Variants in DDC observed in about 807,000 individuals in gnomAD.
DDC encodes dopa decarboxylase, also known as aromatic-L-amino-acid decarboxylase.
DDC carries 43 observed loss-of-function variants against 60.0 expected under a neutral mutation model. The ratio of observed to expected loss-of-function variants is 0.72; its 90% CI spans 0.56 to 0.92. The LOEUF (loss-of-function observed/expected upper bound fraction) is 0.92. Ranked by LOEUF, DDC falls within the 40% of genes least tolerant of loss-of-function variation. The probability of loss-of-function intolerance (pLI) is 0.00; values close to 1 mark genes in which losing one functional copy is unlikely to be tolerated. For missense variants in DDC, 573 were observed against 620.2 expected (o/e 0.92, Z 0.81); for synonymous variants, 232 against 234.6 (o/e 0.99, Z 0.10).
At chr7:50,556,993 C>A (rs896945222) in intron 1 of DDC, among the ~76,000 whole-genome samples, 1 of 152,142 alleles carries the variant, frequency 6.6e-6, no homozygotes, top group Admixed American at 6.5e-5. Flanking sequence ...AAAATGGGGC[C>A]GCAAGCTCAT....
chr7:50,490,837 A>G (rs1165401266), intron 9 of DDC, among the ~76,000 whole-genome samples: 1 of 152,372 alleles, frequency 6.6e-6, no homozygotes, highest in African/African-American at 2.4e-5. Flanking sequence ...CTTTATCCAA[A>G]TAATCAAGCC....
chr7:50,543,816 T>C, intron 2 of DDC, 69 bp downstream of exon 2: 1 of 1,447,242 alleles, frequency 6.9e-7, no homozygotes, highest in Non-Finnish European at 9.7e-7. Flanking sequence ...GTATGTGAAT[T>C]GCTCAGAGCC....
intron 10 of DDC, among the ~76,000 whole-genome samples, chr7:50,476,930 T>A (rs528065290): frequency 6.6e-6 from 1 of 152,354 alleles, no homozygotes; most frequent in East Asian, 1.9e-4. Context: ...ATCTGAGGTT[T>A]CATCTAGTGC....
In DDC at chr7:50,526,171, C is replaced by A. The variant is rs1430368576; in HGVS notation, c.714+1966G>T. Among the ~76,000 whole-genome samples the A allele has an allele frequency of 3.3e-5, 5 of 152,158 alleles. No individual in the cohort carries two copies. The South Asian group carries it at 8.3e-4, about 25-fold the overall frequency. On this transcript the variant is annotated intron_variant, in intron 6 of 14. Coordinates refer to ENST00000444124, the MANE Select transcript of DDC (RefSeq NM_001082971.2). ...AAACAAAGACAAAAAGCAAGCAGCA[C>A]CTCCATTGGCGGCACAGAAGGAAAT...
At chr7:50,553,484 C>CTTTTTTTTTTTTTTTTTTTTTT (rs5884158) in intron 1 of DDC, among the ~76,000 whole-genome samples, 2 of 90,928 alleles carry the variant, frequency 2.2e-5, no homozygotes, top group African/African-American at 4.0e-5. Context: ...TCTTTCTTTT[C>CTTTTTTTTTTTTTTTTTTTTTT]TTTTTTTTTT....
intron 4 of DDC, among the ~76,000 whole-genome samples, chr7:50,537,037 GTTTT>G (rs10574868): frequency 2.2e-4 from 31 of 140,316 alleles, no homozygotes; most frequent in Non-Finnish European, 2.5e-4. Context: ...CTAGGAAGTT[GTTTT>G]TTTTTTTTTT....
At chr7:50,496,572 G>A (rs1399313068) in intron 8 of DDC, among the ~76,000 whole-genome samples, 1 of 152,006 alleles carries the variant, frequency 6.6e-6, no homozygotes. Context: ...AGGACACTCT[G>A]CATTTTCCCT....
At chr7:50,460,960 A>C (rs922624805) in intron 14 of DDC, among the ~76,000 whole-genome samples, 2 of 151,588 alleles carry the variant, frequency 1.3e-5, no homozygotes, top group African/African-American at 4.9e-5. Context: ...ACCTTTGTTC[A>C]CTTGTTTATC....
At chr7:50,507,941 T>A (rs532438175) in intron 6 of DDC, among the ~76,000 whole-genome samples, 47 of 152,230 alleles carry the variant, frequency 3.1e-4, no homozygotes, top group African/African-American at 1.1e-3. Context: ...GGTGGGTAAT[T>A]GTCCCAGGAC....
intron 4 of DDC, among the ~76,000 whole-genome samples, chr7:50,536,896 A>G (rs2044430802): frequency 6.6e-6 from 1 of 152,216 alleles, no homozygotes; most frequent in African/African-American, 2.4e-5. Flanking sequence ...AGCCTTGTGA[A>G]AGACAATATC....
chr7:50,541,809 A>T (rs2044643024), intron 2 of DDC, among the ~76,000 whole-genome samples: 1 of 152,252 alleles, frequency 6.6e-6, no homozygotes, highest in Non-Finnish European at 1.5e-5. Flanking sequence ...ATTTCTCAAT[A>T]GCACTCATCG....
At chr7:50,463,818 T>A (rs2042337668) in intron 13 of DDC, among the ~76,000 whole-genome samples, 1 of 151,510 alleles carries the variant, frequency 6.6e-6, no homozygotes, top group Admixed American at 6.6e-5. Context: ...CATAGAAGAG[T>A]CTCAGCAACC....
intron 1 of DDC, among the ~76,000 whole-genome samples, chr7:50,544,909 T>C (rs944860617): frequency 6.6e-6 from 1 of 152,234 alleles, no homozygotes; most frequent in Non-Finnish European, 1.5e-5. Context: ...TTATTTAATA[T>C]ATATTGATTC....
At chr7:50,552,624 C>T (rs928358996) in intron 1 of DDC, among the ~76,000 whole-genome samples, 1 of 152,116 alleles carries the variant, frequency 6.6e-6, no homozygotes, top group Non-Finnish European at 1.5e-5. Context: ...TCAATAACAC[C>T]CTTTGCTAAT....
intron 12 of DDC, among the ~76,000 whole-genome samples, chr7:50,467,586 T>C (rs1328080807): frequency 6.6e-6 from 1 of 152,236 alleles, no homozygotes; most frequent in Non-Finnish European, 1.5e-5. Context: ...AACTGTCTTT[T>C]ATAATGTTAG....
At position 50,540,001 on chromosome 7, in the gene DDC, A is replaced by G. The variant is rs1354435042; in HGVS notation, c.229T>C (p.Phe77Leu). ...GAGCTGGCAGTGGGGAAGTAGGCGA[A>G]GAAGTAGGGGCTGTGCCAGTGCGTC... is the stretch of plus-strand genomic sequence containing the variant. The part of the protein sequence containing the change: ...GVTHWHSPYF[F>L]AYFPTASSYP... The change falls in exon 3 of 15, where the codon TTC becomes CTC. Residue 77 changes from phenylalanine to leucine, a missense_variant. Phe to Leu is a conservative substitution (Grantham distance 22, BLOSUM62 0). Coordinates refer to ENST00000444124, the MANE Select transcript of DDC (RefSeq NM_001082971.2). 2 of 1,613,926 alleles carry G rather than the reference A, an allele frequency of 1.2e-6. No homozygotes were observed. Among genetic ancestry groups the G allele is most frequent in the South Asian group, 1.1e-5 (1 of 91,044 alleles).
At chr7:50,459,346 G>C (rs1404969752) in intron 14 of DDC, among the ~76,000 whole-genome samples, 1 of 152,238 alleles carries the variant, frequency 6.6e-6, no homozygotes, top group Non-Finnish European at 1.5e-5. Context: ...GCCTCCCAAA[G>C]TGCCGAGATT....
chr7:50,537,866 C>A lies in DDC; in HGVS notation c.429G>T (p.Val143=). 6.2e-7 allele frequency: 1 copy of A among 1,614,164 alleles called. No homozygotes were observed. The highest frequency in any genetic ancestry group is 8.5e-7 in the Non-Finnish European group (1 of 1,180,032). Residue 143 remains valine, a synonymous_variant, in exon 4 of 15, where the codon GTG becomes GTT. Transcript: ENST00000444124. ...CTCACAGCTCCCACCTTACCTGGAT[C>A]ACTCCTCCCCCTTCTCCAGCTTTCT... is the stretch of plus-strand genomic sequence containing the variant. ...LNEKAGEGGG[V]IQGSASEATL... is the part of the protein sequence containing the mutation.
chr7:50,472,375 A>G (rs1026617356), intron 11 of DDC, among the ~76,000 whole-genome samples: 1 of 152,212 alleles, frequency 6.6e-6, no homozygotes, highest in African/African-American at 2.4e-5. Context: ...TGTAGAAGTC[A>G]ATTCATATTT....
Sources: allele counts gnomAD v4.1 joint callset (sites outside exome capture counted in the v4.1 genomes callset), GRCh38; gene constraint gnomAD v4.1.1; transcripts MANE v1.5; gene names NCBI Gene and HGNC (gene_info 2026-07-23, HGNC 2026-07-21).